The following CDH23 variants were observed in gnomAD, a reference collection of about 807,000 sequenced individuals.
CDH23 encodes the protein cadherin related 23, also known as cadherin-23.
Under a neutral mutation model 317.1 loss-of-function variants are expected in CDH23, and 189 were observed. The observed-to-expected ratio is 0.60, with a 90% CI of 0.53 to 0.67. The LOEUF is 0.67. Among genes scored for constraint, CDH23 ranks in the 30% least tolerant of loss-of-function variants. The pLI is 0.00. For missense variants in CDH23, 4,401 were observed against 4,592.4 expected (o/e 0.96, Z 1.20); for synonymous variants, 1,839 against 1,876.8 (o/e 0.98, Z 0.52).
chr10:71,538,827 T>C (rs116524978), intron 6 of CDH23, among the ~76,000 whole-genome samples: 259 of 152,322 alleles, frequency 1.7e-3, no homozygotes, highest in African/African-American at 6.1e-3. Flanking sequence ...GTGGCCAGTG[T>C]GGGAGTTCTT....
At chr10:71,692,943 C>T (rs1865240086) in intron 20 of CDH23, among the ~76,000 whole-genome samples, 1 of 152,294 alleles carries the variant, frequency 6.6e-6, no homozygotes, top group African/African-American at 2.4e-5. Flanking sequence ...CTCACAACGG[C>T]TCTGCATGGA....
intron 3 of CDH23, among the ~76,000 whole-genome samples, chr10:71,507,735 G>C (rs551408765): frequency 6.6e-6 from 1 of 152,318 alleles, no homozygotes; most frequent in African/African-American, 2.4e-5. Context: ...TGCTCCCAAT[G>C]TCTTCCTGTT....
At chr10:71,690,629 G>A (rs376579614) in intron 20 of CDH23, 45 bp downstream of exon 20, 7 of 1,396,620 alleles carry the variant, frequency 5.0e-6, no homozygotes, top group African/African-American at 2.9e-5. Flanking sequence ...ACACCCTGAG[G>A]CTGACTGTCC....
At chr10:71,712,954 G>A in intron 28 of CDH23, 141 bp downstream of exon 28, 4 of 1,027,784 alleles carry the variant, frequency 3.9e-6, no homozygotes, top group Non-Finnish European at 5.9e-6. Flanking sequence ...GGAAGGTGCT[G>A]TGGGGAAAGG....
At chr10:71,646,935 G>A (rs1345753037) in intron 14 of CDH23, 1 of 985,176 alleles carries the variant, frequency 1.0e-6, no homozygotes, top group Non-Finnish European at 1.2e-6. Flanking sequence ...CAAATGGGTG[G>A]GAAGGTGCCA....
At position 71,762,769 on chromosome 10, in the gene CDH23, C is replaced by T. The variant is rs190764794; in HGVS notation, c.4846-14911C>T. On this transcript the variant is annotated intron_variant, in intron 38 of 69. Coordinates refer to ENST00000224721, the MANE Select transcript of CDH23 (RefSeq NM_022124.6). ...CAAGATAGTGTGAAAATGGGAAAACCCAGTGTCTGAGGGACCGGGACAGAG... is the reference window on the plus strand; with the variant it reads ...CAAGATAGTGTGAAAATGGGAAAACTCAGTGTCTGAGGGACCGGGACAGAG... 3.9e-5 allele frequency among the ~76,000 whole-genome samples: 6 copies of T among 152,312 alleles called. No homozygotes were observed. In the East Asian group the frequency reaches 1.2e-3, roughly 29 times the overall value.
At chr10:71,802,477 G>C (rs1841583704) in intron 53 of CDH23, among the ~76,000 whole-genome samples, 1 of 152,194 alleles carries the variant, frequency 6.6e-6, no homozygotes, top group Admixed American at 6.5e-5. Flanking sequence ...ACAAATCGCA[G>C]TCAAGAGAAC....
At chr10:71,402,749 G>A (rs868369433) in intron 1 of CDH23, among the ~76,000 whole-genome samples, 56 of 144,186 alleles carry the variant, frequency 3.9e-4, no homozygotes, top group South Asian at 1.3e-3. Flanking sequence ...GTGTGTGCAC[G>A]CGCGCGCGCG....
chr10:71,594,252 A>T (rs990760827), intron 9 of CDH23, among the ~76,000 whole-genome samples: 28 of 152,230 alleles, frequency 1.8e-4, no homozygotes, highest in African/African-American at 6.7e-4. Context: ...GTGCTCAATT[A>T]TTATTATATT....
chr10:71,414,965 T>C (rs1848475999), intron 1 of CDH23, among the ~76,000 whole-genome samples: 1 of 152,216 alleles, frequency 6.6e-6, no homozygotes, highest in Non-Finnish European at 1.5e-5. Flanking sequence ...TTATGCGTAA[T>C]TCCAAAAGAA....
In CDH23 at chr10:71,785,136, G is replaced by A. The variant is rs776825430; in HGVS notation, c.5712+36G>A. ...GACTGACCCCAGGGAGCTTCCCAGGGTTTCCAGTGAAAAAGAGGACCCTGC... is the reference window on the plus strand; with the variant it reads ...GACTGACCCCAGGGAGCTTCCCAGGATTTCCAGTGAAAAAGAGGACCCTGC... On this transcript the variant is annotated intron_variant, in intron 43 of 69. Transcript: ENST00000224721. 3.2e-6 allele frequency: 5 copies of A among 1,572,208 alleles called. No individual in the cohort carries two copies. In the Admixed American group the frequency reaches 5.2e-5, roughly 16 times the overall value.
At chr10:71,644,907 G>C (rs1474346100) in intron 12 of CDH23, among the ~76,000 whole-genome samples, 4 of 152,214 alleles carry the variant, frequency 2.6e-5, no homozygotes, top group Non-Finnish European at 5.9e-5. Flanking sequence ...GGGCGCAGGT[G>C]ATCCCCTTGC....
At chr10:71,438,347 C>CAAAAAAAAAAAAAAAAAAAAAAAAAA (rs10596696) in intron 1 of CDH23, among the ~76,000 whole-genome samples, 22 of 98,354 alleles carry the variant, frequency 2.2e-4, no homozygotes, top group African/African-American at 3.4e-4. Flanking sequence ...CTGTCTCAAA[C>CAAAAAAAAAAAAAAAAAAAAAAAAAA]AAAAAAAAAA....
intron 1 of CDH23, among the ~76,000 whole-genome samples, chr10:71,411,642 A>T (rs1345278580): frequency 1.3e-5 from 2 of 152,188 alleles, no homozygotes; most frequent in African/African-American, 4.8e-5. Context: ...ATAATATTGA[A>T]TGGAAGTGGT....
Position 71,675,126 on chromosome 10 carries a change from T to C in CDH23, c.1464T>C (p.Asp488=). The C allele has an allele frequency of 6.2e-7, 1 of 1,613,988 alleles. No individual in the cohort carries two copies. The highest frequency in any genetic ancestry group is 8.5e-7 in the Non-Finnish European group (1 of 1,179,860). ...SVLTVLATDN[D]AGTFGEVSYF... ...CGCTGTTGCAGGCAACTGACAATGA[T>C]GCAGGCACCTTTGGGGAAGTCAGCT... is the stretch of plus-strand genomic sequence containing the variant. Residue 488 remains aspartate, a synonymous_variant, in exon 15 of 70, where the codon GAT becomes GAC. Transcript: ENST00000224721.
At chr10:71,673,722 C>T (rs950652547) in intron 14 of CDH23, among the ~76,000 whole-genome samples, 1 of 152,220 alleles carries the variant, frequency 6.6e-6, no homozygotes, top group African/African-American at 2.4e-5. Context: ...CTCAGTTTCC[C>T]CATCTGTAAA....
intron 1 of CDH23, among the ~76,000 whole-genome samples, chr10:71,413,695 T>C (rs1848426396): frequency 6.6e-6 from 1 of 152,168 alleles, no homozygotes; most frequent in Non-Finnish European, 1.5e-5. Context: ...TTACTTTCTT[T>C]TCCTTAAAAT....
chr10:71,553,578 CA>C (rs879479297), intron 6 of CDH23, among the ~76,000 whole-genome samples: 4 of 152,202 alleles, frequency 2.6e-5, no homozygotes, highest in Non-Finnish European at 5.9e-5. Context: ...GACAGAGGGA[CA>C]GGGGTGGGAG....
chr10:71,457,524 G>C (rs72642234), intron 3 of CDH23, among the ~76,000 whole-genome samples: 5 of 152,132 alleles, frequency 3.3e-5, no homozygotes, highest in African/African-American at 1.2e-4. Flanking sequence ...TCCTCAGTCT[G>C]TTACCTAGGA....
Sources: gnomAD v4.1 joint callset for allele counts (sites outside exome capture counted in the v4.1 genomes callset) on GRCh38, gnomAD v4.1.1 for gene constraint, MANE v1.5 for transcripts, NCBI Gene and HGNC (gene_info 2026-07-23, HGNC 2026-07-21) for gene names.